PIAS4: variants seen among roughly 807,000 people sequenced by gnomAD.
PIAS4 encodes protein inhibitor of activated STAT 4, also known as E3 SUMO-protein ligase PIAS4.
In PIAS4, 7 loss-of-function variants were observed where a neutral mutation model predicts 58.0. That is an observed-to-expected ratio of 0.12 (90% CI 0.07 to 0.23). PIAS4 has a LOEUF of 0.23. Ranked by LOEUF, PIAS4 falls within the 10% of genes least tolerant of loss-of-function variation. PIAS4 has a pLI of 1.00. For missense variants in PIAS4, 550 were observed against 709.5 expected (o/e 0.78, Z 2.55); for synonymous variants, 364 against 312.4 (o/e 1.17, Z -1.74).
intron 1 of PIAS4, among the ~76,000 whole-genome samples, chr19:4,012,291 G>A (rs2040003889): frequency 6.6e-6 from 1 of 152,020 alleles, no homozygotes; most frequent in Middle Eastern, 3.2e-3. Context: ...GAATCTTGGC[G>A]CTGCCACCTC....
chr19:4,015,033 T>C (rs536542176), intron 2 of PIAS4, among the ~76,000 whole-genome samples: 3 of 152,286 alleles, frequency 2.0e-5, no homozygotes, highest in East Asian at 3.9e-4. Context: ...CTTTTTTCTC[T>C]TGCAGGAGGT....
chr19:4,028,369 C>A, intron 4 of PIAS4, 141 bp from the exon 5 acceptor site: 1 of 797,254 alleles, frequency 1.3e-6, no homozygotes, highest in Non-Finnish European at 2.1e-6. Context: ...TCAGGCCACA[C>A]CCGGGGGCCC....
chr19:4,008,758 A>G (rs1250835308), intron 1 of PIAS4, among the ~76,000 whole-genome samples: 2 of 151,636 alleles, frequency 1.3e-5, no homozygotes, highest in South Asian at 2.1e-4. Context: ...GAGCGAGTCT[A>G]CTTCTTAGGT....
chr19:4,033,448 G>C lies in PIAS4; in HGVS notation c.1010G>C (p.Cys337Ser), dbSNP rs2144939171. 1 of 1,561,604 alleles carries C rather than the reference G, an allele frequency of 6.4e-7. No homozygotes were observed. The highest frequency in any genetic ancestry group is 8.7e-7 in the Non-Finnish European group (1 of 1,153,784). ...GTGAAGATGCGGCTCTCCGTGCCCT[G>C]CCGGGCAGAGACCTGTGCCCACCTG... is the stretch of plus-strand genomic sequence containing the variant. ...PLVKMRLSVP[C>S]RAETCAHLQC... The change falls in exon 9 of 11, where the codon TGC becomes TCC. Residue 337 changes from cysteine to serine, a missense_variant. Cys to Ser is a moderately radical substitution (Grantham distance 112). Coordinates refer to ENST00000262971, the MANE Select transcript of PIAS4 (RefSeq NM_015897.4).
chr19:4,028,092 G>A lies in PIAS4; in HGVS notation c.540-54G>A, dbSNP rs905806156. On this transcript the variant is annotated intron_variant, in intron 3 of 10. Transcript: ENST00000262971. Reference sequence around the variant, plus strand: ...ACCTTGTCGGGTGGGCTGGGGTCACGCCCTCCTCACTCAGCTCTCCTTTCC... The same window carrying A: ...ACCTTGTCGGGTGGGCTGGGGTCACACCCTCCTCACTCAGCTCTCCTTTCC... 10 of 1,570,178 alleles carry A rather than the reference G, an allele frequency of 6.4e-6. No homozygotes were observed. The African/African-American group carries it at 6.8e-5, about 11-fold the overall frequency.
In PIAS4 at chr19:4,028,710, C is replaced by G; in HGVS notation, c.673-10C>G. On this transcript the variant is annotated splice_polypyrimidine_tract_variant and intron_variant, in intron 5 of 10. Coordinates refer to ENST00000262971, the MANE Select transcript of PIAS4 (RefSeq NM_015897.4). ...CTTGGCTCGAGGCTGAGCGGCCCATCTGCTTGCAGGGCTACTACCCCTCCA... is the reference window on the plus strand; with the variant it reads ...CTTGGCTCGAGGCTGAGCGGCCCATGTGCTTGCAGGGCTACTACCCCTCCA... The G allele has an allele frequency of 6.2e-7, 1 of 1,605,970 alleles. No individual in the cohort carries two copies. The highest frequency in any genetic ancestry group is 8.5e-7 in the Non-Finnish European group (1 of 1,175,074).
chr19:4,009,432 C>T (rs1381474661), intron 1 of PIAS4, among the ~76,000 whole-genome samples: 1 of 152,120 alleles, frequency 6.6e-6, no homozygotes, highest in Non-Finnish European at 1.5e-5. Context: ...TGTAACCTCC[C>T]GTTTCGGGGC....
intron 2 of PIAS4, among the ~76,000 whole-genome samples, chr19:4,014,328 A>C (rs1338266913): frequency 6.6e-6 from 1 of 152,172 alleles, no homozygotes; most frequent in African/African-American, 2.4e-5. Context: ...TTCAGGCTGC[A>C]GGTGGGCATT....
Position 4,007,757 on chromosome 19 carries a change from C to T in PIAS4, c.-4C>T. On this transcript the variant is annotated 5_prime_UTR_variant, in exon 1 of 11. Transcript: ENST00000262971. ...TCCCGGCGCGGGGGACGCTGGTGAC[C>T]AAGATGGCGGCGGAGCTGGTGGAGG... is the stretch of plus-strand genomic sequence containing the variant. The T allele has an allele frequency of 2.5e-6, 3 of 1,216,618 alleles. No individual in the cohort carries two copies. The highest frequency in any genetic ancestry group is 3.1e-6 in the Non-Finnish European group (3 of 971,380). The allele number at this position is 1,216,618 out of a possible 1,614,324, so 75.4% of individuals were successfully genotyped here.
chr19:4,012,544 C>T (rs553047024), intron 1 of PIAS4, among the ~76,000 whole-genome samples: 6 of 152,142 alleles, frequency 3.9e-5, no homozygotes, highest in Non-Finnish European at 7.3e-5. Context: ...GACTGAGGGT[C>T]AGAGAGGCAT....
At chr19:4,008,567 A>G (rs2039964868) in intron 1 of PIAS4, among the ~76,000 whole-genome samples, 1 of 152,108 alleles carries the variant, frequency 6.6e-6, no homozygotes, top group Admixed American at 6.5e-5. Flanking sequence ...CTTCTTGGTC[A>G]CAGACCTTCT....
Position 4,039,049 on chromosome 19 carries a change from C to G in PIAS4, c.*1174C>G, listed in dbSNP as rs752647989. The G allele has an allele frequency of 6.6e-6, 1 of 152,336 alleles. No homozygotes were observed. Among genetic ancestry groups the G allele is most frequent in the Non-Finnish European group, 1.5e-5 (1 of 68,118 alleles). The allele number at this position is 152,336 out of a possible 1,614,324, so 9.4% of individuals were successfully genotyped here. A position where few individuals can be genotyped will look rare whatever the true frequency, so the allele number is the denominator to read the frequency against. ...TCAGGAGCCCACAGCTGGGCACCCC[C>G]CTTGCCCCGCAGGAGACCGGGGCGC... On this transcript the variant is annotated 3_prime_UTR_variant, in exon 11 of 11. Transcript: ENST00000262971.
intron 7 of PIAS4, among the ~76,000 whole-genome samples, chr19:4,031,538 C>A (rs902639855): frequency 6.6e-6 from 1 of 152,144 alleles, no homozygotes; most frequent in Non-Finnish European, 1.5e-5. Flanking sequence ...TTTTTTCAAC[C>A]GCCCCCGACC....
At chr19:4,016,041 C>G (rs1314085111) in intron 2 of PIAS4, among the ~76,000 whole-genome samples, 1 of 152,222 alleles carries the variant, frequency 6.6e-6, no homozygotes, top group African/African-American at 2.4e-5. Flanking sequence ...CAGCGGCCTG[C>G]CTTCCCTCCT....
chr19:4,032,947 C>T (rs1404571364), intron 7 of PIAS4, among the ~76,000 whole-genome samples, 153 bp from the exon 8 acceptor site: 3 of 152,202 alleles, frequency 2.0e-5, no homozygotes, highest in African/African-American at 7.2e-5. Context: ...TTCTCCAATC[C>T]CTCACGGCCC....
intron 9 of PIAS4, among the ~76,000 whole-genome samples, chr19:4,034,606 C>T (rs1295083458): frequency 6.6e-6 from 1 of 152,218 alleles, no homozygotes; most frequent in African/African-American, 2.4e-5. Flanking sequence ...TTGGGCCGGG[C>T]ACGTGGGCTG....
Position 4,028,732 on chromosome 19 carries a change from T to G in PIAS4, c.685T>G (p.Ser229Ala). The G allele has an allele frequency of 6.2e-7, 1 of 1,610,986 alleles. No individual in the cohort carries two copies. The change falls in exon 6 of 11, where the codon TCC becomes GCC. Residue 229 changes from serine (S) to alanine (A), a missense_variant. Transcript: ENST00000262971. ...SYCSVPGYYP[S>A]NKPGVEPKRP... ...CATCTGCTTGCAGGGCTACTACCCC[T>G]CCAATAAGCCCGGGGTGGAGCCCAA...
At chr19:4,021,213 C>T (rs546601119) in intron 2 of PIAS4, among the ~76,000 whole-genome samples, 6 of 151,912 alleles carry the variant, frequency 3.9e-5, no homozygotes, top group African/African-American at 1.4e-4. Context: ...AGTGCAGTTA[C>T]ACAATCTCGG....
At chr19:4,033,199 C>G in intron 8 of PIAS4, 26 bp downstream of exon 8, 1 of 1,593,826 alleles carries the variant, frequency 6.3e-7, no homozygotes, top group Non-Finnish European at 8.6e-7. Context: ...GTCCCCTCCT[C>G]GAGGCCTCTC....
Sources: gnomAD v4.1 joint callset for allele counts (sites outside exome capture counted in the v4.1 genomes callset) on GRCh38, gnomAD v4.1.1 for gene constraint, MANE v1.5 for transcripts, NCBI Gene and HGNC (gene_info 2026-07-23, HGNC 2026-07-21) for gene names.